The following DOCK8 variants were observed in gnomAD, a reference collection of about 807,000 sequenced individuals.
The protein encoded by DOCK8 is dedicator of cytokinesis protein 8.
Under a neutral mutation model 245.6 loss-of-function variants are expected in DOCK8, and 141 were observed. That is an observed-to-expected ratio of 0.57 (90% CI 0.50 to 0.66). The LOEUF is 0.66. Among genes scored for constraint, DOCK8 ranks in the 30% least tolerant of loss-of-function variants. The probability of loss-of-function intolerance (pLI) is 0.00; values close to 1 mark genes in which losing one functional copy is unlikely to be tolerated. For missense variants in DOCK8, 2,965 were observed against 2,603.4 expected (o/e 1.14, Z -3.02); for synonymous variants, 1,168 against 970.2 (o/e 1.20, Z -3.79).
chr9:373,867 C>A (rs2053403848), intron 18 of DOCK8, among the ~76,000 whole-genome samples: 2 of 152,162 alleles, frequency 1.3e-5, no homozygotes, highest in African/African-American at 2.4e-5. Context: ...TTCAGTATCC[C>A]TCAAAACCAC....
At chr9:288,969 G>A (rs1325306178) in intron 3 of DOCK8, among the ~76,000 whole-genome samples, 3 of 152,206 alleles carry the variant, frequency 2.0e-5, no homozygotes, top group Non-Finnish European at 4.4e-5. Flanking sequence ...TGAAGCACTT[G>A]AAGAGTATTG....
intron 2 of DOCK8, among the ~76,000 whole-genome samples, chr9:272,296 C>A (rs1210436503): frequency 6.6e-6 from 1 of 152,132 alleles, no homozygotes; most frequent in Non-Finnish European, 1.5e-5. Flanking sequence ...TCTCCCCAGG[C>A]CACACCCTCC....
At chr9:253,531 C>G (rs2047698851) in intron 1 of DOCK8, among the ~76,000 whole-genome samples, 1 of 152,186 alleles carries the variant, frequency 6.6e-6, no homozygotes, top group Non-Finnish European at 1.5e-5. Context: ...TGTTTGTTGC[C>G]TTGCCTACTT....
At chr9:402,205 TCTTTC>T (rs1402803435) in intron 26 of DOCK8, among the ~76,000 whole-genome samples, 3 of 152,230 alleles carry the variant, frequency 2.0e-5, no homozygotes, top group Non-Finnish European at 4.4e-5. Flanking sequence ...TTTCTCTTTC[TCTTTC>T]CTTTCTTTTC....
At position 289,555 on chromosome 9, in the gene DOCK8, C is replaced by A. The variant is rs141175202; in HGVS notation, c.378C>A (p.Ile126=). ...PHVRDCVQTY[I]REWLIVNRKN... Reference sequence around the variant, plus strand: ...TCAGGGACTGTGTTCAGACCTACATCCGTGAGTGGCTAATCGTGAACCGGA... The same window carrying A: ...TCAGGGACTGTGTTCAGACCTACATACGTGAGTGGCTAATCGTGAACCGGA... Residue 126 remains isoleucine (I), a synonymous_variant, in exon 4 of 48, where the codon ATC becomes ATA. Coordinates refer to ENST00000432829, the MANE Select transcript of DOCK8 (RefSeq NM_203447.4). The A allele has an allele frequency of 1.2e-6, 2 of 1,612,242 alleles. No homozygotes were observed. Among genetic ancestry groups the A allele is most frequent in the African/African-American group, 2.7e-5 (2 of 74,852 alleles).
At position 382,360 on chromosome 9, in the gene DOCK8, C is replaced by T. The variant is rs1243767780; in HGVS notation, c.2606-153C>T. On this transcript the variant is annotated intron_variant, in intron 21 of 47. Transcript: ENST00000432829. ...TCTACTTCTCTCCAAAAGATTGCCT[C>T]CTACCCCAACCAGGATTTGTTAAGA... 2.0e-5 allele frequency among the ~76,000 whole-genome samples: 3 copies of T among 152,166 alleles called. No individual in the cohort carries two copies. In the East Asian group the frequency reaches 5.8e-4, roughly 29 times the overall value.
At chr9:310,136 G>A (rs56163896) in intron 5 of DOCK8, among the ~76,000 whole-genome samples, 11 of 151,940 alleles carry the variant, frequency 7.2e-5, no homozygotes, top group East Asian at 5.8e-4. Context: ...GCGTGGTGGC[G>A]CGTGCCTGTA....
intron 45 of DOCK8, among the ~76,000 whole-genome samples, 151 bp from the exon 46 acceptor site, chr9:451,856 CATAT>C (rs1173562241): frequency 7.4e-6 from 1 of 135,720 alleles, no homozygotes; most frequent in Non-Finnish European, 1.6e-5. Flanking sequence ...TGAATATATT[CATAT>C]ATATGTGTGT....
chr9:391,877 A>G (rs1006078105), intron 24 of DOCK8, among the ~76,000 whole-genome samples: 15 of 138,674 alleles, frequency 1.1e-4, no homozygotes, highest in African/African-American at 4.1e-4. Flanking sequence ...GGTGGCTCAC[A>G]CTTGTAATCC....
chr9:463,944 G>A (rs2057893351), intron 47 of DOCK8, among the ~76,000 whole-genome samples: 1 of 152,176 alleles, frequency 6.6e-6, no homozygotes, highest in African/African-American at 2.4e-5. Context: ...GATGGCCTGT[G>A]TTGGTTTTTT....
chr9:223,023 A>G (rs1369591774), intron 1 of DOCK8, among the ~76,000 whole-genome samples: 1 of 151,892 alleles, frequency 6.6e-6, no homozygotes, highest in South Asian at 2.1e-4. Flanking sequence ...GAGAGTATGG[A>G]CCTCTTTCAT....
chr9:242,972 G>T (rs1275504615), intron 1 of DOCK8, among the ~76,000 whole-genome samples: 1 of 152,126 alleles, frequency 6.6e-6, no homozygotes, highest in African/African-American at 2.4e-5. Context: ...TCGGAACTTG[G>T]AATATGATTT....
intron 2 of DOCK8, among the ~76,000 whole-genome samples, chr9:279,453 C>T (rs2048486068): frequency 6.6e-6 from 1 of 152,190 alleles, no homozygotes; most frequent in Non-Finnish European, 1.5e-5. Context: ...TAGAATTGAA[C>T]TCCAGGGCAC....
intron 14 of DOCK8, among the ~76,000 whole-genome samples, chr9:359,457 A>C (rs2052616206): frequency 6.6e-6 from 1 of 152,228 alleles, no homozygotes; most frequent in Non-Finnish European, 1.5e-5. Context: ...GAATGAAATA[A>C]TGTTAGCTAT....
At chr9:400,007 C>CCTT (rs2054686158) in intron 26 of DOCK8, among the ~76,000 whole-genome samples, 11 of 98,948 alleles carry the variant, frequency 1.1e-4, no homozygotes, top group African/African-American at 3.5e-4. Context: ...TCCACCACCT[C>CCTT]CACCATCACC....
At chr9:234,207 G>A (rs1323162376) in intron 1 of DOCK8, among the ~76,000 whole-genome samples, 1 of 152,178 alleles carries the variant, frequency 6.6e-6, no homozygotes, top group Non-Finnish European at 1.5e-5. Flanking sequence ...TTTCCTTTCA[G>A]AATGTTGAAT....
chr9:305,830 A>G (rs982475464), intron 5 of DOCK8, among the ~76,000 whole-genome samples: 8 of 152,170 alleles, frequency 5.3e-5, no homozygotes, highest in African/African-American at 1.9e-4. Context: ...CTATACACCT[A>G]TGCTCACAGC....
chr9:326,171 T>C (rs1214218377), intron 8 of DOCK8, among the ~76,000 whole-genome samples: 3 of 152,208 alleles, frequency 2.0e-5, no homozygotes, highest in Admixed American at 2.0e-4. Flanking sequence ...CCAACTGTAA[T>C]GTGCTTTTAA....
chr9:439,500 G>T, intron 40 of DOCK8, 112 bp downstream of exon 40: 1 of 1,411,666 alleles, frequency 7.1e-7, no homozygotes, highest in South Asian at 1.2e-5. Flanking sequence ...CCGAGGACAC[G>T]TGCCAGGGTG....
Sources: gnomAD v4.1 joint callset for allele counts (sites outside exome capture counted in the v4.1 genomes callset) on GRCh38, gnomAD v4.1.1 for gene constraint, MANE v1.5 for transcripts, NCBI Gene and HGNC (gene_info 2026-07-23, HGNC 2026-07-21) for gene names.